The following PRPSAP2 variants were observed in gnomAD, a reference collection of about 807,000 sequenced individuals.
PRPSAP2 encodes the protein phosphoribosyl pyrophosphate synthase-associated protein 2.
A neutral mutation model predicts 40.6 loss-of-function variants in PRPSAP2; 24 were observed. That is an observed-to-expected ratio of 0.59 (90% CI 0.43 to 0.83). The LOEUF (loss-of-function observed/expected upper bound fraction) is 0.83, where lower values mean the gene tolerates loss of function less well. PRPSAP2 is among the 40% of genes least tolerant of loss of function. PRPSAP2 has a pLI of 0.00. For synonymous variants in PRPSAP2, 149 were observed against 164.7 expected (o/e 0.90, Z 0.73); for missense variants, 292 against 465.6 (o/e 0.63, Z 3.43).
At chr17:18,903,778 C>T (rs544389781) in intron 8 of PRPSAP2, among the ~76,000 whole-genome samples, 1 of 152,146 alleles carries the variant, frequency 6.6e-6, no homozygotes, top group African/African-American at 2.4e-5. Context: ...AGAGCTCTGT[C>T]GACATGGCAT....
chr17:18,930,423 C>G, intron 11 of PRPSAP2, 117 bp from the exon 12 acceptor site: 1 of 852,922 alleles, frequency 1.2e-6, no homozygotes, highest in South Asian at 1.9e-5. Context: ...AGACATAGAT[C>G]CACTGTGTTT....
chr17:18,897,479 T>C (rs2039982582), intron 8 of PRPSAP2, among the ~76,000 whole-genome samples: 1 of 69,272 alleles, frequency 1.4e-5, no homozygotes, highest in African/African-American at 5.7e-5. Context: ...TGTTGTTGTT[T>C]AGACGGATTT....
At chr17:18,862,130 C>A (rs567159825) in intron 1 of PRPSAP2, among the ~76,000 whole-genome samples, 7 of 152,144 alleles carry the variant, frequency 4.6e-5, no homozygotes, top group Non-Finnish European at 1.0e-4. Context: ...TCAGGTAATC[C>A]GCCTGCCTCG....
intron 9 of PRPSAP2, among the ~76,000 whole-genome samples, chr17:18,922,995 G>A (rs917446804): frequency 2.0e-5 from 3 of 151,202 alleles, no homozygotes; most frequent in African/African-American, 2.4e-5. Context: ...ATATATTTTG[G>A]ATACTAGACT....
intron 5 of PRPSAP2, among the ~76,000 whole-genome samples, chr17:18,875,123 C>T (rs914801607): frequency 1.1e-4 from 16 of 152,192 alleles, no homozygotes; most frequent in African/African-American, 3.1e-4. Flanking sequence ...ATCAGAATCA[C>T]TCAGCACCCC....
intron 6 of PRPSAP2, 21 bp from the exon 7 acceptor site, chr17:18,882,547 G>T: frequency 2.9e-6 from 4 of 1,397,828 alleles, no homozygotes; most frequent in Admixed American, 2.0e-5. Context: ...TTTATTGCTT[G>T]TGTCTGCTTT....
At position 18,877,777 on chromosome 17, in the gene PRPSAP2, G is replaced by A. The variant is rs2038410686; in HGVS notation, c.319G>A (p.Val107Met). ...CTCTTGTGCCAAGAGCATCATTGGC[G>A]TGATACCCTACTTTCCTTACAGCAA... ...KTSCAKSIIGVIPYFPYSKQC... is the reference protein window; with the variant it reads ...KTSCAKSIIGMIPYFPYSKQC... The change falls in exon 6 of 12, where the codon GTG becomes ATG. Residue 107 changes from valine to methionine, a missense_variant. This residue lies in a region of PRPSAP2 where 241 missense variants were observed against 425.7 expected (regional missense o/e 0.57). Coordinates refer to ENST00000268835, the MANE Select transcript of PRPSAP2 (RefSeq NM_002767.4). 1 of 1,613,482 alleles carries A rather than the reference G, an allele frequency of 6.2e-7. No individual in the cohort carries two copies. Among genetic ancestry groups the A allele is most frequent in the African/African-American group, 1.3e-5 (1 of 74,848 alleles).
intron 2 of PRPSAP2, 109 bp from the exon 3 acceptor site, chr17:18,865,693 T>A: frequency 1.7e-6 from 1 of 593,964 alleles, no homozygotes; most frequent in Non-Finnish European, 2.4e-6. Context: ...AAAATACTAT[T>A]AGGATGGAAA....
At chr17:18,880,350 T>G (rs539962737) in intron 6 of PRPSAP2, among the ~76,000 whole-genome samples, 1 of 152,312 alleles carries the variant, frequency 6.6e-6, no homozygotes, top group South Asian at 2.1e-4. Flanking sequence ...GTTACAAAGG[T>G]GGTGAAGGTT....
intron 8 of PRPSAP2, among the ~76,000 whole-genome samples, chr17:18,900,873 A>C (rs1192829407): frequency 6.6e-6 from 1 of 152,032 alleles, no homozygotes; most frequent in Non-Finnish European, 1.5e-5. Context: ...TGGAGAGGGG[A>C]GGGGCACCTC....
intron 6 of PRPSAP2, among the ~76,000 whole-genome samples, chr17:18,880,320 C>T (rs2038636392): frequency 6.6e-6 from 1 of 152,174 alleles, no homozygotes; most frequent in East Asian, 1.9e-4. Flanking sequence ...CTGAATTTTC[C>T]TTACACTTTT....
At chr17:18,922,764 C>T (rs1289116914) in intron 9 of PRPSAP2, among the ~76,000 whole-genome samples, 1 of 147,676 alleles carries the variant, frequency 6.8e-6, no homozygotes, top group Non-Finnish European at 1.5e-5. Context: ...GCCTTGACCT[C>T]CCGGGCCCAA....
intron 5 of PRPSAP2, among the ~76,000 whole-genome samples, chr17:18,876,692 G>T (rs2038324518): frequency 6.6e-6 from 1 of 152,198 alleles, no homozygotes; most frequent in Non-Finnish European, 1.5e-5. Context: ...AAATAAGACA[G>T]CATGGTGAGA....
intron 10 of PRPSAP2, 71 bp from the exon 11 acceptor site, chr17:18,928,740 T>C: frequency 6.3e-7 from 1 of 1,592,080 alleles, no homozygotes; most frequent in Non-Finnish European, 8.6e-7. Context: ...AGACCCTTTT[T>C]TTTTCCTGGT....
chr17:18,927,770 CGT>C (rs542286230), intron 10 of PRPSAP2, among the ~76,000 whole-genome samples: 190 of 151,532 alleles, frequency 1.3e-3, no homozygotes, highest in Admixed American at 3.2e-3. Context: ...TTTAAAGTAG[CGT>C]GTGTGTGTGT....
intron 1 of PRPSAP2, among the ~76,000 whole-genome samples, chr17:18,864,651 G>A (rs1374082560): frequency 6.6e-6 from 1 of 152,046 alleles, no homozygotes; most frequent in African/African-American, 2.4e-5. Context: ...TAAAATTTGA[G>A]AATAATGAAA....
At chr17:18,913,703 G>A (rs1400441816) in intron 9 of PRPSAP2, among the ~76,000 whole-genome samples, 3 of 150,936 alleles carry the variant, frequency 2.0e-5, no homozygotes, top group African/African-American at 4.9e-5. Flanking sequence ...ACTTGCCACC[G>A]CACCTGGCTA....
chr17:18,898,738 C>T (rs1346239009), intron 8 of PRPSAP2, among the ~76,000 whole-genome samples: 1 of 152,048 alleles, frequency 6.6e-6, no homozygotes, highest in East Asian at 1.9e-4. Flanking sequence ...TGGGTTTATC[C>T]TGTTTGGTGT....
intron 1 of PRPSAP2, among the ~76,000 whole-genome samples, chr17:18,863,016 T>C (rs2037151365): frequency 6.6e-6 from 1 of 152,010 alleles, no homozygotes; most frequent in African/African-American, 2.4e-5. Context: ...GAGACGGGGC[T>C]TCACTGTGTT....
Sources: gnomAD v4.1 joint callset for allele counts (sites outside exome capture counted in the v4.1 genomes callset) on GRCh38, gnomAD v4.1.1 for gene constraint, gnomAD v4.1.1 regional missense constraint, MANE v1.5 for transcripts, NCBI Gene and HGNC (gene_info 2026-07-23, HGNC 2026-07-21) for gene names.